Variants in CDK13 observed in about 807,000 individuals in gnomAD.
CDK13 encodes cyclin-dependent kinase 13.
Under a neutral mutation model 137.6 loss-of-function variants are expected in CDK13, and 40 were observed. That is an observed-to-expected ratio of 0.29 (90% confidence interval 0.23 to 0.38). The LOEUF (loss-of-function observed/expected upper bound fraction) is 0.38, where lower values mean the gene tolerates loss of function less well. Among genes scored for constraint, CDK13 ranks in the 10% least tolerant of loss-of-function variants. The pLI, the probability that CDK13 is intolerant of heterozygous loss-of-function variation, is 1.00. For missense variants in CDK13, 1,704 were observed against 1,951.8 expected (o/e 0.87, Z 2.39); for synonymous variants, 869 against 760.1 (o/e 1.14, Z -2.36).
intron 1 of CDK13, among the ~76,000 whole-genome samples, chr7:39,959,403 C>T (rs990120296): frequency 6.6e-6 from 1 of 151,678 alleles, no homozygotes; most frequent in African/African-American, 2.4e-5. Context: ...TCAGGTGATC[C>T]ACCCGCTTCA....
chr7:40,040,747 T>C (rs1785587584), intron 5 of CDK13, among the ~76,000 whole-genome samples: 1 of 152,234 alleles, frequency 6.6e-6, no homozygotes, highest in Non-Finnish European at 1.5e-5. Context: ...TAATGGGGTC[T>C]TCCATTTTAT....
chr7:40,020,248 A>G (rs540071002), intron 5 of CDK13, among the ~76,000 whole-genome samples: 6 of 151,928 alleles, frequency 3.9e-5, no homozygotes, highest in South Asian at 2.1e-4. Flanking sequence ...TTGTATTTTC[A>G]GTAGAGATGG....
chr7:39,986,559 C>T (rs1163081583), intron 1 of CDK13: 1 of 152,094 alleles, frequency 6.6e-6, no homozygotes, highest in Admixed American at 6.5e-5. Context: ...CTTTTCCTTT[C>T]TAAGAAATTG....
chr7:40,065,940 G>T (rs535503428), intron 9 of CDK13, among the ~76,000 whole-genome samples: 1 of 152,174 alleles, frequency 6.6e-6, no homozygotes, highest in Admixed American at 6.6e-5. Flanking sequence ...TGTAATCTCC[G>T]CATTTGGGAG....
At chr7:40,030,045 C>G (rs981896871) in intron 5 of CDK13, among the ~76,000 whole-genome samples, 6 of 152,106 alleles carry the variant, frequency 3.9e-5, no homozygotes, top group African/African-American at 1.4e-4. Context: ...TCCCCTACCC[C>G]TTTTGCTCTG....
chr7:40,003,192 A>ACT (rs1367498708), intron 5 of CDK13, among the ~76,000 whole-genome samples: 33 of 98,094 alleles, frequency 3.4e-4, no homozygotes, highest in African/African-American at 1.2e-3. Context: ...ACACACACAC[A>ACT]CACACACACA....
At chr7:39,989,099 A>G (rs76221319) in intron 2 of CDK13, among the ~76,000 whole-genome samples, 16,533 of 143,238 alleles carry the variant, frequency 0.12, 1,305 homozygotes, top group East Asian at 0.39. Context: ...AAAAAAAAAA[A>G]AAAAAAAAAA....
At chr7:40,023,112 A>G (rs1369088104) in intron 5 of CDK13, among the ~76,000 whole-genome samples, 13 of 136,496 alleles carry the variant, frequency 9.5e-5, no homozygotes, top group African/African-American at 3.7e-4. Context: ...TTTTTTTTTG[A>G]GACAGAGTCT....
rs2150536432 is a variant in CDK13 at position 40,078,787 on chromosome 7, G to A, written c.2965G>A (p.Ala989Thr). The A allele has an allele frequency of 6.5e-7, 1 of 1,549,982 alleles. No individual in the cohort carries two copies. Among genetic ancestry groups the A allele is most frequent in the Non-Finnish European group, 8.7e-7 (1 of 1,145,254 alleles). ...LALDPSKRCTAEQALQCEFLR... is the reference protein window; with the variant it reads ...LALDPSKRCTTEQALQCEFLR... ...CTTGGATCCTAGTAAGCGCTGCACT[G>A]CTGAACAGGCTCTTCAGTGCGAGTT... is the stretch of plus-strand genomic sequence containing the variant. Residue 989 changes from alanine (A) to threonine (T), a missense_variant, in exon 11 of 14, where the codon GCT becomes ACT. Physicochemically the swap from Ala to Thr is moderately conservative, Grantham distance 58. Transcript: ENST00000181839.
chr7:40,035,850 A>G (rs144210084), intron 5 of CDK13, among the ~76,000 whole-genome samples: 176 of 150,772 alleles, frequency 1.2e-3, no homozygotes, highest in African/African-American at 4.2e-3. Flanking sequence ...GATGCCAAGA[A>G]GGTTGGGAAT....
chr7:40,057,955 A>G (rs1453164665), intron 7 of CDK13, among the ~76,000 whole-genome samples: 1 of 152,228 alleles, frequency 6.6e-6, no homozygotes, highest in Non-Finnish European at 1.5e-5. Flanking sequence ...TAAGTTAGGC[A>G]ATGCATATGT....
intron 12 of CDK13, 147 bp downstream of exon 12, chr7:40,088,478 A>G: frequency 9.0e-6 from 6 of 664,970 alleles, no homozygotes; most frequent in South Asian, 6.5e-5. Flanking sequence ...GCCAGTACAG[A>G]AGTTTCATTG....
intron 5 of CDK13, among the ~76,000 whole-genome samples, chr7:40,028,602 C>T (rs1785297407): frequency 6.6e-6 from 1 of 152,074 alleles, no homozygotes; most frequent in African/African-American, 2.4e-5. Context: ...ATCAGAAATG[C>T]AAATAACACA....
chr7:40,085,812 A>G (rs907538410), intron 11 of CDK13: 2 of 152,486 alleles, frequency 1.3e-5, no homozygotes, highest in Non-Finnish European at 2.9e-5. Flanking sequence ...TCCTTGTGTC[A>G]CTCATCATTG....
chr7:40,082,752 C>T (rs1002773293), intron 11 of CDK13, among the ~76,000 whole-genome samples: 2 of 148,444 alleles, frequency 1.3e-5, no homozygotes, highest in Non-Finnish European at 3.0e-5. Context: ...GATCTTGCCG[C>T]TGCACTCCAG....
chr7:40,063,729 C>T (rs1352840269), intron 9 of CDK13, among the ~76,000 whole-genome samples: 1 of 152,016 alleles, frequency 6.6e-6, no homozygotes, highest in Non-Finnish European at 1.5e-5. Flanking sequence ...ATGATCTCCA[C>T]TCACTGCAAC....
At chr7:39,955,376 T>C (rs1308901625) in intron 1 of CDK13, among the ~76,000 whole-genome samples, 1 of 152,166 alleles carries the variant, frequency 6.6e-6, no homozygotes, top group Non-Finnish European at 1.5e-5. Context: ...AAGTACATGC[T>C]CTTAATATTA....
chr7:40,014,452 CTTTTTT>C (rs70996871), intron 5 of CDK13, among the ~76,000 whole-genome samples: 2 of 118,700 alleles, frequency 1.7e-5, no homozygotes, highest in Admixed American at 8.5e-5. Flanking sequence ...ATTTCTCTCT[CTTTTTT>C]TTTTTTTTTT....
rs921732950 is a variant in CDK13 at position 39,951,093 on chromosome 7, C to T, written c.452C>T (p.Ser151Phe). 17 of 1,260,504 alleles carry T rather than the reference C, an allele frequency of 1.3e-5. No homozygotes were observed. Among genetic ancestry groups the T allele is most frequent in the African/African-American group, 3.1e-5 (2 of 64,530 alleles). The allele number at this position is 1,260,504 out of a possible 1,614,324, so 78.1% of individuals were successfully genotyped here. A position where few individuals can be genotyped will look rare whatever the true frequency, so the allele number is the denominator to read the frequency against. ...TPLVEYEDVSSQSEQGLLLGG... is the reference protein window; with the variant it reads ...TPLVEYEDVSFQSEQGLLLGG... ...CTGGTGGAATACGAGGATGTGAGCTCCCAGTCCGAGCAGGGGCTGCTGCTG... is the reference window on the plus strand; with the variant it reads ...CTGGTGGAATACGAGGATGTGAGCTTCCAGTCCGAGCAGGGGCTGCTGCTG... The change falls in exon 1 of 14, where the codon TCC becomes TTC. Residue 151 changes from serine (S) to phenylalanine (F), a missense_variant. Ser to Phe is a radical substitution (Grantham distance 155). Transcript: ENST00000181839.
Sources: gnomAD v4.1 joint callset for allele counts (sites outside exome capture counted in the v4.1 genomes callset) on GRCh38, gnomAD v4.1.1 for gene constraint, MANE v1.5 for transcripts, NCBI Gene and HGNC (gene_info 2026-07-23, HGNC 2026-07-21) for gene names.